The following SGCZ variants were observed in gnomAD, a reference collection of about 807,000 sequenced individuals.
SGCZ encodes zeta-sarcoglycan.
A neutral mutation model predicts 41.3 loss-of-function variants in SGCZ; 40 were observed. That is an observed-to-expected ratio of 0.97 (90% CI 0.75 to 1.26). The LOEUF (loss-of-function observed/expected upper bound fraction) is 1.26. Among genes scored for constraint, SGCZ ranks in the 50% most tolerant of loss-of-function variants. The probability of loss-of-function intolerance (pLI) is 0.00; values close to 1 mark genes in which losing one functional copy is unlikely to be tolerated. For missense variants in SGCZ, 552 were observed against 369.8 expected (o/e 1.49, Z -4.04); for synonymous variants, 206 against 137.5 (o/e 1.50, Z -3.49).
chr8:14,705,689 C>G lies in SGCZ; in HGVS notation c.40-150763G>C, dbSNP rs567905250. On this transcript the variant is annotated intron_variant, in intron 1 of 7. Coordinates refer to ENST00000382080, the MANE Select transcript of SGCZ (RefSeq NM_139167.4). ...AAGAGTCATTGATGTCTTCAGATTA[C>G]TTGCACTGATTACATGAAATTCTAG... 1.0e-3 allele frequency among the ~76,000 whole-genome samples: 159 copies of G among 152,140 alleles called. 2 individuals are homozygous for G. The highest frequency in any genetic ancestry group is 3.7e-3 in the African/African-American group (153 of 41,560).
rs199619005 is a variant in SGCZ, at chr8:14,726,351, T to A, written c.40-171425A>T. Among the ~76,000 whole-genome samples the A allele has an allele frequency of 2.2e-5, 3 of 137,022 alleles. No homozygotes were observed. The East Asian group carries it at 6.4e-4, about 29-fold the overall frequency. The allele number at this position is 137,022 out of a possible 152,430, so 89.9% of individuals were successfully genotyped here. A position where few individuals can be genotyped will look rare whatever the true frequency, so the allele number is the denominator to read the frequency against. ...ATATATATATATATATAAAATTAGA[T>A]AGGATTTTAAAATTTCAGTTACATG... On this transcript the variant is annotated intron_variant, in intron 1 of 7. Transcript: ENST00000382080.
intron 1 of SGCZ, among the ~76,000 whole-genome samples, chr8:14,884,969 G>C (rs1804733736): frequency 6.6e-6 from 1 of 151,768 alleles, no homozygotes; most frequent in Admixed American, 6.6e-5. Context: ...CTTCATTCCA[G>C]AAAAAATCGA....
At chr8:14,413,488 T>G (rs1182094194) in intron 2 of SGCZ, among the ~76,000 whole-genome samples, 1 of 152,036 alleles carries the variant, frequency 6.6e-6, no homozygotes, top group Non-Finnish European at 1.5e-5. Flanking sequence ...TCCTAATGGA[T>G]CCTGCTGAGT....
intron 4 of SGCZ, among the ~76,000 whole-genome samples, chr8:14,213,274 C>T (rs993608208): frequency 2.0e-5 from 3 of 152,142 alleles, no homozygotes; most frequent in Non-Finnish European, 2.9e-5. Flanking sequence ...AGTAAAGACA[C>T]GCACACAAAA....
intron 3 of SGCZ, among the ~76,000 whole-genome samples, chr8:14,246,335 C>A (rs1388404171): frequency 6.6e-6 from 1 of 151,876 alleles, no homozygotes; most frequent in East Asian, 1.9e-4. Flanking sequence ...TCTCAGTAAA[C>A]TATCGCAAGG....
At chr8:14,688,652 G>C (rs1318671817) in intron 1 of SGCZ, among the ~76,000 whole-genome samples, 1 of 152,040 alleles carries the variant, frequency 6.6e-6, no homozygotes, top group Admixed American at 6.6e-5. Flanking sequence ...TTGTACTTTT[G>C]GCTTAGGATT....
At chr8:14,652,804 T>C (rs1807447155) in intron 1 of SGCZ, among the ~76,000 whole-genome samples, 1 of 152,116 alleles carries the variant, frequency 6.6e-6, no homozygotes, top group South Asian at 2.1e-4. Context: ...TAAATATAGA[T>C]GAGGTGTCTA....
intron 1 of SGCZ, among the ~76,000 whole-genome samples, chr8:14,672,890 T>C (rs1269605650): frequency 2.0e-5 from 3 of 152,176 alleles, no homozygotes; most frequent in African/African-American, 7.2e-5. Flanking sequence ...TATTTTAGCC[T>C]TTCTGGGTCA....
rs1801611632 is a variant in SGCZ at position 14,089,115 on chromosome 8, G to T, written c.*1328C>A. ...GGGTGCTGTGATAAATGAATATTCA[G>T]TATTCTGGAGTTGTTTACTAAGAGG... On this transcript the variant is annotated 3_prime_UTR_variant, in exon 8 of 8. Transcript: ENST00000382080. Among the ~76,000 whole-genome samples, 2 of 152,040 alleles carry T rather than the reference G, an allele frequency of 1.3e-5. No individual in the cohort carries two copies. Among genetic ancestry groups the T allele is most frequent in the African/African-American group, 2.4e-5 (1 of 41,518 alleles).
At chr8:14,550,709 G>A (rs1006870783) in intron 2 of SGCZ, among the ~76,000 whole-genome samples, 1 of 151,906 alleles carries the variant, frequency 6.6e-6, no homozygotes, top group African/African-American at 2.4e-5. Flanking sequence ...TGGGATTGCT[G>A]GTAACCTTGC....
intron 1 of SGCZ, among the ~76,000 whole-genome samples, chr8:14,751,473 A>G (rs921400983): frequency 6.6e-6 from 1 of 152,208 alleles, no homozygotes; most frequent in African/African-American, 2.4e-5. Flanking sequence ...CAATGTTAAA[A>G]TACCATAATA....
chr8:14,989,717 G>A lies in SGCZ; in HGVS notation c.39+247868C>T, dbSNP rs551667170. Among the ~76,000 whole-genome samples the A allele has an allele frequency of 1.2e-3, 187 of 152,250 alleles. 5 individuals are homozygous for A. Among genetic ancestry groups the A allele is most frequent in the Non-Finnish European group, 6.5e-4 (44 of 68,010 alleles). ...TTGTCAAGGTTAGCTTTTCTGTCACGAGCAGAAATGAGTGTTCTTTAGTTA... is the reference window on the plus strand; with the variant it reads ...TTGTCAAGGTTAGCTTTTCTGTCACAAGCAGAAATGAGTGTTCTTTAGTTA... On this transcript the variant is annotated intron_variant, in intron 1 of 7. Transcript: ENST00000382080.
chr8:14,700,020 G>C (rs1809085105), intron 1 of SGCZ, among the ~76,000 whole-genome samples: 1 of 151,934 alleles, frequency 6.6e-6, no homozygotes, highest in South Asian at 2.1e-4. Flanking sequence ...ATGTAAATTT[G>C]TTCAGCCACT....
chr8:14,535,437 G>A (rs1386105269), intron 2 of SGCZ, among the ~76,000 whole-genome samples: 1 of 151,720 alleles, frequency 6.6e-6, no homozygotes. Flanking sequence ...TCTGGTAAAA[G>A]GTCACACCAT....
chr8:14,588,963 A>G (rs1043566154), intron 1 of SGCZ, among the ~76,000 whole-genome samples: 1 of 152,142 alleles, frequency 6.6e-6, no homozygotes, highest in Non-Finnish European at 1.5e-5. Context: ...TACATTTGCT[A>G]TGGTGTATGA....
At chr8:14,233,755 TCAAA>T (rs1292436069) in intron 4 of SGCZ, among the ~76,000 whole-genome samples, 2 of 151,294 alleles carry the variant, frequency 1.3e-5, no homozygotes, top group Non-Finnish European at 3.0e-5. Flanking sequence ...ACACCTAAAG[TCAAA>T]CACTTTTTTC....
intron 4 of SGCZ, among the ~76,000 whole-genome samples, chr8:14,174,011 T>G (rs531593614): frequency 3.5e-4 from 54 of 152,188 alleles, no homozygotes; most frequent in Middle Eastern, 3.4e-3. Context: ...TAAAGAGTTT[T>G]AAAAAGCTAC....
chr8:14,494,678 G>C (rs180729028), intron 2 of SGCZ, among the ~76,000 whole-genome samples: 2 of 152,142 alleles, frequency 1.3e-5, no homozygotes, highest in Admixed American at 1.3e-4. Flanking sequence ...AGTAGCATTT[G>C]AGAAACAACG....
At position 15,089,447 on chromosome 8, in the gene SGCZ, G is replaced by C. The variant is rs144060459; in HGVS notation, c.39+148138C>G. Among the ~76,000 whole-genome samples, 8 of 152,054 alleles carry C rather than the reference G, an allele frequency of 5.3e-5. No homozygotes were observed. The East Asian group carries it at 1.5e-3, about 29-fold the overall frequency. ...AAAATCTGAAGGCTGCTGTACAGTA[G>C]CTCTCCTATATTCTTTTTTTTAATG... is the stretch of plus-strand genomic sequence containing the variant. On this transcript the variant is annotated intron_variant, in intron 1 of 7. Coordinates refer to ENST00000382080, the MANE Select transcript of SGCZ (RefSeq NM_139167.4).
Sources: gnomAD v4.1 joint callset for allele counts (sites outside exome capture counted in the v4.1 genomes callset) on GRCh38, gnomAD v4.1.1 for gene constraint, MANE v1.5 for transcripts, NCBI Gene and HGNC (gene_info 2026-07-23, HGNC 2026-07-21) for gene names.